Variants in USPL1 observed in about 807,000 individuals in gnomAD.
The protein encoded by USPL1 is ubiquitin specific peptidase like 1, also known as SUMO-specific isopeptidase USPL1.
In USPL1, 27 loss-of-function variants were observed where a neutral mutation model predicts 51.5. That is an observed-to-expected ratio of 0.52 (90% confidence interval 0.39 to 0.72). The LOEUF is 0.72. USPL1 is among the 30% of genes least tolerant of loss of function. The pLI is 0.00. For missense variants in USPL1, 1,226 were observed against 1,268.0 expected, an observed-to-expected ratio of 0.97 and a Z score of 0.50; for synonymous variants, 451 against 459.6, an observed-to-expected ratio of 0.98 and a Z score of 0.24.
intron 1 of USPL1, among the ~76,000 whole-genome samples, chr13:30,618,845 A>G (rs889254780): frequency 6.6e-6 from 1 of 152,170 alleles, no homozygotes; most frequent in Non-Finnish European, 1.5e-5. Context: ...TTTAGGTTAT[A>G]TTGGGCTGTT....
chr13:30,646,926 T>G lies in USPL1; in HGVS notation c.1113-6T>G. On this transcript the variant is annotated splice_polypyrimidine_tract_variant and splice_region_variant and intron_variant, in intron 6 of 8. Transcript: ENST00000255304. ...TTAATGAATTTGTTATGTCATTTTTTTATAGGCATATGAAGAGTCTGGTCA... is the reference window on the plus strand; with the variant it reads ...TTAATGAATTTGTTATGTCATTTTTGTATAGGCATATGAAGAGTCTGGTCA... The G allele has an allele frequency of 6.3e-7, 1 of 1,599,026 alleles. No individual in the cohort carries two copies. Among genetic ancestry groups the G allele is most frequent in the Non-Finnish European group, 8.5e-7 (1 of 1,173,766 alleles).
chr13:30,642,731 G>T lies in USPL1; in HGVS notation c.1086G>T (p.Ser362=). 1.2e-6 allele frequency: 2 copies of T among 1,613,344 alleles called. No homozygotes were observed. The highest frequency in any genetic ancestry group is 2.2e-5 in the East Asian group (1 of 44,828). ...LYSFSWDFEC[S]QCGHQYQNRH... ...CTTTTTCTTGGGACTTTGAATGTTC[G>T]CAGTGTGGACACCAATATCAAAACA... is the stretch of plus-strand genomic sequence containing the variant. Residue 362 remains serine, a synonymous_variant, in exon 6 of 9, where the codon TCG becomes TCT. Transcript: ENST00000255304.
rs374792760 is a variant in USPL1 at position 30,658,175 on chromosome 13, G to A, written c.2098G>A (p.Ala700Thr). ...GVKSVEIEKD[A>T]QLKQFLTPKT... Reference sequence around the variant, plus strand: ...GAAGTCAGTAGAAATTGAGAAGGACGCTCAGTTAAAACAATTCCTTACACC... The same window carrying A: ...GAAGTCAGTAGAAATTGAGAAGGACACTCAGTTAAAACAATTCCTTACACC... The change falls in exon 9 of 9, where the codon GCT becomes ACT. Residue 700 changes from alanine (A) to threonine (T), a missense_variant. Coordinates refer to ENST00000255304, the MANE Select transcript of USPL1 (RefSeq NM_005800.5). 9.9e-6 allele frequency: 16 copies of A among 1,612,940 alleles called. No individual in the cohort carries two copies. The highest frequency in any genetic ancestry group is 1.6e-4 in the Middle Eastern group (1 of 6,084).
chr13:30,651,896 C>T (rs1258299334), intron 7 of USPL1, among the ~76,000 whole-genome samples: 2 of 151,746 alleles, frequency 1.3e-5, no homozygotes, highest in African/African-American at 4.8e-5. Context: ...GCGGAGATTG[C>T]AGTAAGCTGA....
At chr13:30,623,415 A>G (rs993673279) in intron 3 of USPL1, among the ~76,000 whole-genome samples, 1 of 152,146 alleles carries the variant, frequency 6.6e-6, no homozygotes, top group Admixed American at 6.6e-5. Context: ...GAGGAGTGAC[A>G]TAAGTTGACT....
rs2137737492 is a variant in USPL1, at chr13:30,658,901, C to G, written c.2824C>G (p.Leu942Val). 6.2e-7 allele frequency: 1 copy of G among 1,614,176 alleles called. No individual in the cohort carries two copies. Among genetic ancestry groups the G allele is most frequent in the African/African-American group, 1.3e-5 (1 of 75,038 alleles). The change falls in exon 9 of 9, where the codon CTA becomes GTA. Residue 942 changes from leucine to valine, a missense_variant. Coordinates refer to ENST00000255304, the MANE Select transcript of USPL1 (RefSeq NM_005800.5). ...CESIEDLLNELPYPIDIASES... is the reference protein window; with the variant it reads ...CESIEDLLNEVPYPIDIASES... ...ATCAATAGAGGACTTGTTAAATGAG[C>G]TACCATATCCAATTGATATTGCCAG...
At position 30,658,607 on chromosome 13, in the gene USPL1, G is replaced by C. The variant is rs1191079310; in HGVS notation, c.2530G>C (p.Ala844Pro). 1 of 1,614,076 alleles carries C rather than the reference G, an allele frequency of 6.2e-7. No homozygotes were observed. Among genetic ancestry groups the C allele is most frequent in the African/African-American group, 1.3e-5 (1 of 74,930 alleles). The change falls in exon 9 of 9, where the codon GCT becomes CCT. Residue 844 changes from alanine to proline, a missense_variant. Coordinates refer to ENST00000255304, the MANE Select transcript of USPL1 (RefSeq NM_005800.5). ...TAATGGCACAGCTGCCCACCCACAT[G>C]CTCATGCTGCTTCAGAAGTTTTGGA... The part of the protein sequence containing the change: ...SSNGTAAHPH[A>P]HAASEVLEKS...
chr13:30,641,730 A>G (rs180998181), intron 5 of USPL1, among the ~76,000 whole-genome samples: 1 of 152,360 alleles, frequency 6.6e-6, no homozygotes, highest in African/African-American at 2.4e-5. Context: ...TGAAAAGTTA[A>G]GAAGAACGGT....
rs573870959 is a variant in USPL1 at position 30,634,693 on chromosome 13, A to G, written c.869-3051A>G. 4.9e-4 allele frequency among the ~76,000 whole-genome samples: 74 copies of G among 152,312 alleles called. 1 individual carries two copies. The highest frequency in any genetic ancestry group is 1.7e-3 in the African/African-American group (71 of 41,562). On this transcript the variant is annotated intron_variant, in intron 4 of 8. Transcript: ENST00000255304. ...GGGGGCAAGTCTCCTGGGGCACAGT[A>G]TGAGTTTCCCTTCTGTATAACAAAG... is the stretch of plus-strand genomic sequence containing the variant.
Position 30,658,850 on chromosome 13 carries a change from C to G in USPL1, c.2773C>G (p.Gln925Glu), listed in dbSNP as rs2137736728. 6.2e-7 allele frequency: 1 copy of G among 1,613,904 alleles called. No individual in the cohort carries two copies. Among genetic ancestry groups the G allele is most frequent in the Non-Finnish European group, 8.5e-7 (1 of 1,180,038 alleles). Residue 925 changes from glutamine (Q) to glutamate (E), a missense_variant, in exon 9 of 9, where the codon CAG becomes GAG. By Grantham distance (29) the Gln-to-Glu change is conservative. Coordinates refer to ENST00000255304, the MANE Select transcript of USPL1 (RefSeq NM_005800.5). ...VRSENLEQVP[Q>E]DGSPNDCESI... ...AAGTGAAAATCTAGAACAGGTGCCC[C>G]AGGATGGGTCTCCAAATGATTGTGA...
chr13:30,621,802 C>T lies in USPL1; in HGVS notation c.138C>T (p.Cys46=). ...CTAAAGTTCCATCAGATGAGTATTG[C>T]CCTGCTTGTAGAGAGAAGGGAAAGT... ...DSAKVPSDEY[C]PACREKGKLK... is the part of the protein sequence containing the mutation. Residue 46 remains cysteine (C), a synonymous_variant, in exon 3 of 9, where the codon TGC becomes TGT. Coordinates refer to ENST00000255304, the MANE Select transcript of USPL1 (RefSeq NM_005800.5). 6.3e-7 allele frequency: 1 copy of T among 1,581,604 alleles called. No individual in the cohort carries two copies. Among genetic ancestry groups the T allele is most frequent in the Admixed American group, 1.9e-5 (1 of 54,048 alleles).
Position 30,630,815 on chromosome 13 carries a change from A to C in USPL1, c.229-20A>C. On this transcript the variant is annotated intron_variant, in intron 3 of 8. Transcript: ENST00000255304. Reference sequence around the variant, plus strand: ...TATTTGAATTTGTGTAGTTTTTATCATTTTATTTTTACTTTCCAGTGCATC... The same window carrying C: ...TATTTGAATTTGTGTAGTTTTTATCCTTTTATTTTTACTTTCCAGTGCATC... 1 of 1,554,778 alleles carries C rather than the reference A, an allele frequency of 6.4e-7. No individual in the cohort carries two copies. Among genetic ancestry groups the C allele is most frequent in the Non-Finnish European group, 8.7e-7 (1 of 1,154,260 alleles).
intron 3 of USPL1, among the ~76,000 whole-genome samples, chr13:30,627,629 G>C (rs1950736890): frequency 6.6e-6 from 1 of 151,636 alleles, no homozygotes; most frequent in Non-Finnish European, 1.5e-5. Flanking sequence ...GACTACTTGA[G>C]ATTCACAAAG....
In USPL1 at chr13:30,631,149, C is replaced by T. The variant is rs745432374; in HGVS notation, c.543C>T (p.Asp181=). Residue 181 remains aspartate (D), a synonymous_variant, in exon 4 of 9, where the codon GAC becomes GAT. Transcript: ENST00000255304. The stretch of plus-strand genomic sequence containing the variant: ...AGATTTTGGAAGCTGATACTGTTGA[C>T]ATGGCTACTACAAAAGATCCTGCTA... ...RNEILEADTV[D]MATTKDPATV... is the part of the protein sequence containing the mutation. 5.0e-6 allele frequency: 8 copies of T among 1,614,180 alleles called. No homozygotes were observed. The highest frequency in any genetic ancestry group is 4.2e-6 in the Non-Finnish European group (5 of 1,180,032).
chr13:30,623,745 A>G (rs1950674768), intron 3 of USPL1, among the ~76,000 whole-genome samples: 1 of 152,170 alleles, frequency 6.6e-6, no homozygotes, highest in East Asian at 1.9e-4. Context: ...CCCCACGTAC[A>G]GGCCTCCAGG....
At chr13:30,619,890 T>C (rs888358240) in intron 1 of USPL1, among the ~76,000 whole-genome samples, 1 of 152,176 alleles carries the variant, frequency 6.6e-6, no homozygotes, top group African/African-American at 2.4e-5. Flanking sequence ...CCAGGGGACA[T>C]TTGGCAAGTC....
chr13:30,628,601 A>T lies in USPL1; in HGVS notation c.229-2234A>T, dbSNP rs141615353. Among the ~76,000 whole-genome samples, 438 of 152,028 alleles carry T rather than the reference A, an allele frequency of 2.9e-3. 1 individual carries two copies. Among genetic ancestry groups the T allele is most frequent in the Non-Finnish European group, 5.0e-3 (340 of 67,996 alleles). ...CCCCTCTCTGTGTCCGTGTGTTCTC[A>T]TTGTTCAGCTCCCACTTACGAGTGA... On this transcript the variant is annotated intron_variant, in intron 3 of 8. Transcript: ENST00000255304.
Position 30,658,587 on chromosome 13 carries a change from G to T in USPL1, c.2510G>T (p.Gly837Val), listed in dbSNP as rs753719357. The T allele has an allele frequency of 6.2e-7, 1 of 1,614,132 alleles. No homozygotes were observed. Among genetic ancestry groups the T allele is most frequent in the Non-Finnish European group, 8.5e-7 (1 of 1,180,018 alleles). The change falls in exon 9 of 9, where the codon GGC (glycine) becomes GTC (valine). Residue 837 changes from glycine to valine, a missense_variant. Gly to Val is a moderately radical substitution (Grantham distance 109). Transcript: ENST00000255304. ...KPPAGPPSSN[G>V]TAAHPHAHAA... Reference sequence around the variant, plus strand: ...CCAGCAGGCCCTCCATCGTCTAATGGCACAGCTGCCCACCCACATGCTCAT... The same window carrying T: ...CCAGCAGGCCCTCCATCGTCTAATGTCACAGCTGCCCACCCACATGCTCAT...
chr13:30,643,603 C>A (rs908506034), intron 6 of USPL1, among the ~76,000 whole-genome samples: 1 of 127,000 alleles, frequency 7.9e-6, no homozygotes, highest in Non-Finnish European at 1.6e-5. Context: ...TCTTTCCACC[C>A]CCCCCCGCCC....
Sources: allele counts gnomAD v4.1 joint callset (sites outside exome capture counted in the v4.1 genomes callset), GRCh38; gene constraint gnomAD v4.1.1; transcripts MANE v1.5; gene names NCBI Gene and HGNC (gene_info 2026-07-23, HGNC 2026-07-21).